The following ORC1 variants were observed in gnomAD, a reference collection of about 807,000 sequenced individuals.
ORC1 encodes the protein origin recognition complex, subunit 1 homolog.
ORC1 carries 61 observed loss-of-function variants against 98.9 expected under a neutral mutation model. The observed-to-expected ratio is 0.62, with a 90% CI of 0.50 to 0.76. The LOEUF is 0.76. Ranked by LOEUF, ORC1 falls within the 30% of genes least tolerant of loss-of-function variation. The pLI is 0.00. For missense variants in ORC1, 979 were observed against 1,072.2 expected, an observed-to-expected ratio of 0.91 and a Z score of 1.21; for synonymous variants, 385 against 406.9, an observed-to-expected ratio of 0.95 and a Z score of 0.65.
intron 1 of ORC1, among the ~76,000 whole-genome samples, chr1:52,402,479 A>G (rs2147948696): frequency 6.6e-6 from 1 of 152,376 alleles, no homozygotes; most frequent in Admixed American, 6.5e-5. Flanking sequence ...CCAGGAAAAC[A>G]GAAAGGTCAA....
At chr1:52,387,574 C>T (rs1647159862) in intron 8 of ORC1, among the ~76,000 whole-genome samples, 1 of 152,222 alleles carries the variant, frequency 6.6e-6, no homozygotes, top group South Asian at 2.1e-4. Context: ...TCTCCCGCCT[C>T]AGCCTCCAGA....
rs587780412 is a variant in ORC1 at position 52,373,249 on chromosome 1, C to T, written c.2518G>A (p.Asp840Asn). The change falls in exon 17 of 17, where the codon GAT (aspartate) becomes AAT (asparagine). Residue 840 changes from aspartate (D) to asparagine (N), a missense_variant. Physicochemically the swap from Asp to Asn is conservative, Grantham distance 23. Coordinates refer to ENST00000371568, the MANE Select transcript of ORC1 (RefSeq NM_004153.4). The part of the protein sequence containing the change: ...RLLLVEPSRN[D>N]LLLRVRLNVS... ...TTGAGCCGCACCCGAAGGAGCAGATCGTTCCTGCTGGGCTCCACAAGCAGG... is the reference window on the plus strand; with the variant it reads ...TTGAGCCGCACCCGAAGGAGCAGATTGTTCCTGCTGGGCTCCACAAGCAGG... 4 of 1,614,190 alleles carry T rather than the reference C, an allele frequency of 2.5e-6. No homozygotes were observed. The highest frequency in any genetic ancestry group is 2.2e-5 in the South Asian group (2 of 91,066).
chr1:52,404,951 C>A, upstream of ORC1: 1 of 1,563,114 alleles, frequency 6.4e-7, no homozygotes, highest in Non-Finnish European at 8.7e-7. Context: ...GCGGGTAGGA[C>A]TAGCGACTGG....
At position 52,383,915 on chromosome 1, in the gene ORC1, G is replaced by A. The variant is rs1240700871; in HGVS notation, c.1778C>T (p.Thr593Ile). Residue 593 changes from threonine to isoleucine, a missense_variant, in exon 12 of 17, where the codon ACA (threonine) becomes ATA (isoleucine). Coordinates refer to ENST00000371568, the MANE Select transcript of ORC1 (RefSeq NM_004153.4). ...CAGCAGTTCTGCCGCATGGTTGGCT[G>A]TTGCTTTTTGGCCTGTTAGCTTCTG... ...ILQKLTGQKA[T>I]ANHAAELLAK... The A allele has an allele frequency of 1.2e-6, 2 of 1,614,206 alleles. No individual in the cohort carries two copies. Among genetic ancestry groups the A allele is most frequent in the South Asian group, 2.2e-5 (2 of 91,084 alleles).
intron 14 of ORC1, among the ~76,000 whole-genome samples, chr1:52,378,357 C>A (rs1395351357): frequency 7.8e-5 from 10 of 128,772 alleles, no homozygotes; most frequent in Non-Finnish European, 1.6e-4. Flanking sequence ...AAAAAAAAAA[C>A]AAACAAAACA....
intron 6 of ORC1, among the ~76,000 whole-genome samples, chr1:52,391,975 C>T (rs1354793949): frequency 6.7e-6 from 1 of 149,768 alleles, no homozygotes; most frequent in Non-Finnish European, 1.5e-5. Flanking sequence ...GATACAGAAA[C>T]AGCCAGCAAA....
At position 52,384,560 on chromosome 1, in the gene ORC1, T is replaced by C. The variant is rs547441862; in HGVS notation, c.1745A>G (p.Gln582Arg). Reference protein sequence around the residue: ...KLTEPHQVYVQILQKLTGQKA... With the variant: ...KLTEPHQVYVRILQKLTGQKA... The stretch of plus-strand genomic sequence containing the variant: ...AACAGCTCTGCTTACCTGCAAGATT[T>C]GCACATAGACTTGGTGGGGCTCCGT... Residue 582 changes from glutamine to arginine, a missense_variant, in exon 11 of 17, where the codon CAA becomes CGA. Coordinates refer to ENST00000371568, the MANE Select transcript of ORC1 (RefSeq NM_004153.4). 9.7e-4 allele frequency: 1,561 copies of C among 1,614,156 alleles called. 27 individuals carry two copies. In the South Asian group the frequency reaches 0.016, roughly 17 times the overall value.
At chr1:52,383,096 C>G (rs1351613946) in intron 13 of ORC1, among the ~76,000 whole-genome samples, 4 of 150,124 alleles carry the variant, frequency 2.7e-5, no homozygotes, top group Non-Finnish European at 5.9e-5. Context: ...TTGGGATGGA[C>G]TCTTGCTTCG....
At position 52,397,650 on chromosome 1, in the gene ORC1, T is replaced by G. The variant is rs775485851; in HGVS notation, c.402+35A>C. The G allele has an allele frequency of 1.2e-5, 19 of 1,607,520 alleles. No individual in the cohort carries two copies. The South Asian group carries it at 2.0e-4, about 17-fold the overall frequency. ...GTTCAGGAGGCAGACAGAAATAAGCTTCAAGGTAGAACCAAGGATGGTGGC... is the reference window on the plus strand; with the variant it reads ...GTTCAGGAGGCAGACAGAAATAAGCGTCAAGGTAGAACCAAGGATGGTGGC... On this transcript the variant is annotated intron_variant, in intron 4 of 16. Coordinates refer to ENST00000371568, the MANE Select transcript of ORC1 (RefSeq NM_004153.4).
intron 6 of ORC1, among the ~76,000 whole-genome samples, chr1:52,392,902 G>A (rs1409239720): frequency 6.6e-6 from 1 of 152,148 alleles, no homozygotes; most frequent in African/African-American, 2.4e-5. Flanking sequence ...TTGGGGACTC[G>A]GGGAAGGGTG....
chr1:52,393,612 C>T lies in ORC1; in HGVS notation c.913G>A (p.Glu305Lys), dbSNP rs1647274210. 6.2e-7 allele frequency: 1 copy of T among 1,614,038 alleles called. No homozygotes were observed. Among genetic ancestry groups the T allele is most frequent in the Non-Finnish European group, 8.5e-7 (1 of 1,180,018 alleles). The change falls in exon 6 of 17, where the codon GAG becomes AAG. Residue 305 changes from glutamate (E) to lysine (K), a missense_variant. Physicochemically the swap from Glu to Lys is moderately conservative, Grantham distance 56. Transcript: ENST00000371568. ...TCAGGTGAAGCCTTCTTGTCATCCT[C>T]AGTATAAGAGAGTCCAGTCTCTCTG... The part of the protein sequence containing the change: ...KTRETGLSYT[E>K]DDKKASPEHR...
chr1:52,391,312 CAAAA>C (rs57169076), intron 6 of ORC1, among the ~76,000 whole-genome samples: 1 of 70,176 alleles, frequency 1.4e-5, no homozygotes, highest in Admixed American at 1.6e-4. Flanking sequence ...GACTCCATCT[CAAAA>C]AAAAAAAAAA....
At chr1:52,408,923 T>C (rs1648073508), upstream of ORC1, 4 of 410,016 alleles carry the variant, frequency 9.8e-6, no homozygotes, top group African/African-American at 2.0e-5. Context: ...GTGCATCTTA[T>C]GTTAATCCCT....
intron 6 of ORC1, among the ~76,000 whole-genome samples, chr1:52,391,120 C>T (rs1174533327): frequency 6.6e-6 from 1 of 151,540 alleles, no homozygotes; most frequent in African/African-American, 2.4e-5. Context: ...ACCAGCCTGG[C>T]CAATATGGTG....
upstream of ORC1, chr1:52,408,881 C>A (rs1002917414): frequency 1.8e-6 from 1 of 550,418 alleles, no homozygotes; most frequent in South Asian, 2.6e-5. Context: ...GTTGGCCTTA[C>A]CCAGCCTGCC....
chr1:52,393,739 T>C lies in ORC1; in HGVS notation c.786A>G (p.Ile262Met), dbSNP rs759178339. 6 of 1,614,088 alleles carry C rather than the reference T, an allele frequency of 3.7e-6. No individual in the cohort carries two copies. The East Asian group carries it at 1.3e-4, about 36-fold the overall frequency. Residue 262 changes from isoleucine to methionine, a missense_variant, in exon 6 of 17, where the codon ATA becomes ATG. Coordinates refer to ENST00000371568, the MANE Select transcript of ORC1 (RefSeq NM_004153.4). ...TCTCCGAGAAGGCCACTTTCCGTTT[T>C]ATTCTTCCTGGAGAATCCAAGGAGG... The part of the protein sequence containing the change: ...SCASLDSPGR[I>M]KRKVAFSEIT...
chr1:52,398,993 A>G (rs1647564420), intron 3 of ORC1, among the ~76,000 whole-genome samples: 1 of 152,188 alleles, frequency 6.6e-6, no homozygotes, highest in South Asian at 2.1e-4. Flanking sequence ...CAAAGGTCAC[A>G]TGACCAACTG....
At chr1:52,384,471 CA>C (rs1647115060) in intron 11 of ORC1, 78 bp downstream of exon 11, 1 of 1,331,448 alleles carries the variant, frequency 7.5e-7, no homozygotes, top group Non-Finnish European at 1.1e-6. Flanking sequence ...GCAATACACG[CA>C]AAATTAAGTA....
In ORC1 at chr1:52,385,227, C is replaced by T. The variant is rs147904927; in HGVS notation, c.1517G>A (p.Cys506Tyr). 2.8e-4 allele frequency: 459 copies of T among 1,613,748 alleles called. 1 individual carries two copies. The highest frequency in any genetic ancestry group is 3.7e-4 in the Non-Finnish European group (435 of 1,179,748). Residue 506 changes from cysteine (C) to tyrosine (Y), a missense_variant, in exon 10 of 17, where the codon TGT (cysteine) becomes TAT (tyrosine). Cys to Tyr is a radical substitution (Grantham distance 194, BLOSUM62 -2). Coordinates refer to ENST00000371568, the MANE Select transcript of ORC1 (RefSeq NM_004153.4). ...GATGTCTTGGAATTCCTGTTCCCGA[C>T]AGGGAAGAGACTCAGGTACAGCAGA... ...HVSAVPESLPCREQEFQDIYN... is the reference protein window; with the variant it reads ...HVSAVPESLPYREQEFQDIYN...
Sources: gnomAD v4.1 joint callset for allele counts (sites outside exome capture counted in the v4.1 genomes callset) on GRCh38, gnomAD v4.1.1 for gene constraint, MANE v1.5 for transcripts, NCBI Gene and HGNC (gene_info 2026-07-23, HGNC 2026-07-21) for gene names.